The following RGSL1 variants were observed in gnomAD, a reference collection of about 807,000 sequenced individuals.
RGSL1 encodes regulator of G protein signaling protein-like.
Under a neutral mutation model 124.7 loss-of-function variants are expected in RGSL1, and 97 were observed. The observed-to-expected ratio is 0.78, with a 90% CI of 0.66 to 0.92. The LOEUF is 0.92. RGSL1 is among the 40% of genes least tolerant of loss of function. The pLI, the probability that RGSL1 is intolerant of heterozygous loss-of-function variation, is 0.00. For synonymous variants in RGSL1, 424 were observed against 438.1 expected (o/e 0.97, Z 0.40); for missense variants, 1,233 against 1,288.4 (o/e 0.96, Z 0.66).
intron 9 of RGSL1, among the ~76,000 whole-genome samples, chr1:182,496,210 T>TA (rs1203679692): frequency 2.6e-5 from 4 of 151,990 alleles, no homozygotes; most frequent in Admixed American, 2.0e-4. Context: ...ACTTAACCAA[T>TA]AAGATATCAT....
At chr1:182,545,425 A>G (rs1192239263) in intron 15 of RGSL1, among the ~76,000 whole-genome samples, 4 of 152,182 alleles carry the variant, frequency 2.6e-5, no homozygotes, top group Non-Finnish European at 4.4e-5. Flanking sequence ...TACTAGAGTT[A>G]TGAGTGAATT....
chr1:182,495,444 T>C (rs1655841558), intron 9 of RGSL1, among the ~76,000 whole-genome samples: 1 of 152,194 alleles, frequency 6.6e-6, no homozygotes, highest in Non-Finnish European at 1.5e-5. Flanking sequence ...CATCCACATG[T>C]GTATATTCTC....
rs78894434 is a variant in RGSL1 at position 182,504,594 on chromosome 1, C to T, written c.1825+11465C>T. ...GATTCTCCCAAGGAAATTAGAAACT[C>T]CCCAGGATTTGTTGTTCTGCCTTTG... On this transcript the variant is annotated intron_variant, in intron 9 of 21. Transcript: ENST00000294854. 8.9e-3 allele frequency among the ~76,000 whole-genome samples: 1,322 copies of T among 149,208 alleles called. 16 individuals carry two copies. The highest frequency in any genetic ancestry group is 0.031 in the African/African-American group (1,262 of 40,596).
intron 8 of RGSL1, among the ~76,000 whole-genome samples, chr1:182,490,705 A>G (rs1655453735): frequency 6.6e-6 from 1 of 152,190 alleles, no homozygotes; most frequent in Non-Finnish European, 1.5e-5. Flanking sequence ...AGGGATAGCC[A>G]GTAAGAATGT....
intron 8 of RGSL1, among the ~76,000 whole-genome samples, chr1:182,491,598 T>C (rs1192104840): frequency 6.6e-6 from 1 of 152,142 alleles, no homozygotes; most frequent in Admixed American, 6.6e-5. Context: ...AAGGAATTGA[T>C]ACAGGACTAG....
intron 4 of RGSL1, among the ~76,000 whole-genome samples, chr1:182,467,904 C>A (rs146362215): frequency 0.021 from 3,139 of 152,254 alleles, 100 homozygotes; most frequent in African/African-American, 0.072. Context: ...CTACAATGAA[C>A]TCAAACAAAT....
At chr1:182,532,377 A>T (rs1406765363) in intron 13 of RGSL1, among the ~76,000 whole-genome samples, 4 of 152,098 alleles carry the variant, frequency 2.6e-5, no homozygotes, top group Non-Finnish European at 4.4e-5. Flanking sequence ...CAATCACGGC[A>T]TCTCACATCT....
chr1:182,495,359 C>G (rs1316283792), intron 9 of RGSL1, among the ~76,000 whole-genome samples: 3 of 152,172 alleles, frequency 2.0e-5, no homozygotes, highest in Non-Finnish European at 4.4e-5. Flanking sequence ...GTGCCTCTTT[C>G]ATGGTAGTTG....
Position 182,454,045 on chromosome 1 carries a change from G to A in RGSL1, c.96+5G>A. 1 of 1,475,260 alleles carries A rather than the reference G, an allele frequency of 6.8e-7. No individual in the cohort carries two copies. The highest frequency in any genetic ancestry group is 2.0e-5 in the Admixed American group (1 of 50,872). 91.4% of individuals were successfully genotyped at this position (1,475,260 alleles called of 1,614,324 possible). A position where few individuals can be genotyped will look rare whatever the true frequency, so the allele number is the denominator to read the frequency against. On this transcript the variant is annotated splice_donor_5th_base_variant and intron_variant, in intron 2 of 21. Transcript: ENST00000294854. ...AACACATTTCTTTCCCTCCCGGTAA[G>A]CATTCTCAGATTTAAATACAAATAT...
intron 4 of RGSL1, among the ~76,000 whole-genome samples, chr1:182,467,707 G>T (rs1337030031): frequency 3.9e-5 from 6 of 152,138 alleles, no homozygotes; most frequent in African/African-American, 1.4e-4. Flanking sequence ...ATAGGCATGG[G>T]CAAGGACTTC....
At chr1:182,490,170 C>T (rs1483485019) in intron 8 of RGSL1, among the ~76,000 whole-genome samples, 2 of 152,062 alleles carry the variant, frequency 1.3e-5, no homozygotes, top group Non-Finnish European at 2.9e-5. Flanking sequence ...TATTTTTTGG[C>T]ATACTAGTGA....
chr1:182,523,248 C>T (rs1658491261), intron 10 of RGSL1, among the ~76,000 whole-genome samples: 1 of 149,202 alleles, frequency 6.7e-6, no homozygotes, highest in South Asian at 2.1e-4. Context: ...GCCCTGTTGC[C>T]CAGGTTGGTC....
intron 11 of RGSL1, among the ~76,000 whole-genome samples, chr1:182,528,838 G>T (rs1658949996): frequency 6.6e-6 from 1 of 152,218 alleles, no homozygotes; most frequent in Admixed American, 6.5e-5. Flanking sequence ...AAGAAAAGAG[G>T]TTTAATTGAC....
Position 182,474,442 on chromosome 1 carries a change from G to A in RGSL1, c.1331G>A (p.Cys444Tyr). Residue 444 changes from cysteine to tyrosine, a missense_variant, in exon 6 of 22, where the codon TGC (cysteine) becomes TAC (tyrosine). Physicochemically the swap from Cys to Tyr is radical, Grantham distance 194 (BLOSUM62 -2). Transcript: ENST00000294854. ...ELYLNEQIGP[C>Y]LPLKSQTIQG... The stretch of plus-strand genomic sequence containing the variant: ...TACCTGAATGAGCAGATTGGTCCGT[G>A]CTTACCACTCAAATCCCAAACCATT... The A allele has an allele frequency of 3.9e-6, 6 of 1,551,998 alleles. No individual in the cohort carries two copies. The highest frequency in any genetic ancestry group is 5.2e-6 in the Non-Finnish European group (6 of 1,147,036).
chr1:182,550,125 C>A (rs964605316), intron 17 of RGSL1: 12 of 152,170 alleles, frequency 7.9e-5, no homozygotes, highest in African/African-American at 2.7e-4. Flanking sequence ...TTAAACGAAC[C>A]TCTCCACAAC....
chr1:182,474,063 T>A lies in RGSL1; in HGVS notation c.952T>A (p.Ser318Thr). The change falls in exon 6 of 22, where the codon TCC becomes ACC. Residue 318 changes from serine (S) to threonine (T), a missense_variant. Physicochemically the swap from Ser to Thr is moderately conservative, Grantham distance 58. Coordinates refer to ENST00000294854, the MANE Select transcript of RGSL1 (RefSeq NM_001137669.2). ...AAAGGATATGCATTATGCAAAAATA[T>A]CCAGCATGGAGAATAAAGCCAAGAG... The part of the protein sequence containing the change: ...LEKDMHYAKI[S>T]SMENKAKSHL... 1 of 1,551,764 alleles carries A rather than the reference T, an allele frequency of 6.4e-7. No individual in the cohort carries two copies. The highest frequency in any genetic ancestry group is 8.7e-7 in the Non-Finnish European group (1 of 1,147,006).
chr1:182,511,300 G>A (rs558743944), intron 9 of RGSL1, among the ~76,000 whole-genome samples: 1 of 152,272 alleles, frequency 6.6e-6, no homozygotes, highest in Admixed American at 6.5e-5. Context: ...AAGTAGCTGG[G>A]ATTACAAGCA....
intron 9 of RGSL1, among the ~76,000 whole-genome samples, chr1:182,512,604 G>A (rs778013355): frequency 1.7e-4 from 26 of 152,160 alleles, no homozygotes; most frequent in African/African-American, 3.6e-4. Context: ...CAGTGTGTGT[G>A]CCACAGTGCT....
chr1:182,485,177 A>C (rs1459800295), intron 6 of RGSL1, among the ~76,000 whole-genome samples: 2 of 152,046 alleles, frequency 1.3e-5, no homozygotes, highest in Non-Finnish European at 2.9e-5. Flanking sequence ...CTTCTAGCCT[A>C]GCTTTTCACA....
Sources: gnomAD v4.1 joint callset for allele counts (sites outside exome capture counted in the v4.1 genomes callset) on GRCh38, gnomAD v4.1.1 for gene constraint, MANE v1.5 for transcripts, NCBI Gene and HGNC (gene_info 2026-07-23, HGNC 2026-07-21) for gene names.